Variants in ASAP2 observed in about 807,000 individuals in gnomAD.
The protein encoded by ASAP2 is ArfGAP with SH3 domain, ankyrin repeat and PH domain 2.
A neutral mutation model predicts 131.4 loss-of-function variants in ASAP2; 45 were observed. The observed-to-expected ratio is 0.34, with a 90% CI of 0.27 to 0.44. The LOEUF (loss-of-function observed/expected upper bound fraction) is 0.44. ASAP2 is among the 20% of genes least tolerant of loss of function. The probability of loss-of-function intolerance (pLI) is 1.00; values close to 1 mark genes in which losing one functional copy is unlikely to be tolerated. For synonymous variants in ASAP2, 510 were observed against 503.0 expected, an observed-to-expected ratio of 1.01 and a Z score of -0.19; for missense variants, 1,011 against 1,297.0, an observed-to-expected ratio of 0.78 and a Z score of 3.39.
intron 1 of ASAP2, among the ~76,000 whole-genome samples, chr2:9,228,753 T>C (rs1339894066): frequency 6.6e-6 from 1 of 152,232 alleles, no homozygotes; most frequent in Non-Finnish European, 1.5e-5. Flanking sequence ...ATGCAAATTA[T>C]TTCTGGTGAT....
Position 9,270,774 on chromosome 2 carries a change from C to G in ASAP2, c.127-8543C>G, listed in dbSNP as rs184151382. Among the ~76,000 whole-genome samples, 266 of 119,660 alleles carry G rather than the reference C, an allele frequency of 2.2e-3. 2 individuals are homozygous for G. Among genetic ancestry groups the G allele is most frequent in the African/African-American group, 7.8e-3 (259 of 33,118 alleles). The allele number at this position is 119,660 out of a possible 152,430, so 78.5% of individuals were successfully genotyped here. A position where few individuals can be genotyped will look rare whatever the true frequency, so the allele number is the denominator to read the frequency against. Reference sequence around the variant, plus strand: ...CTTCTACTGTCAGTCTCCATGAGTTCAATTGTTTTCATTTTTTTTTTTTTT... The same window carrying G: ...CTTCTACTGTCAGTCTCCATGAGTTGAATTGTTTTCATTTTTTTTTTTTTT... On this transcript the variant is annotated intron_variant, in intron 1 of 27. Transcript: ENST00000281419.
At position 9,268,531 on chromosome 2, in the gene ASAP2, C is replaced by T. The variant is rs2148241634; in HGVS notation, c.127-10786C>T. 6.6e-6 allele frequency among the ~76,000 whole-genome samples: 1 copy of T among 152,266 alleles called. No homozygotes were observed. The highest frequency in any genetic ancestry group is 3.4e-3 in the Middle Eastern group (1 of 292). On this transcript the variant is annotated intron_variant, in intron 1 of 27. Transcript: ENST00000281419. The surrounding 1 kb of genome is among the most constrained non-coding windows in gnomAD (Gnocchi z 4.1). ...CTGGCTTTAAACGGAGCCCACAGGT[C>T]ACAGTGCAAGTCTACGCTTCCCAAA...
intron 1 of ASAP2, among the ~76,000 whole-genome samples, chr2:9,245,017 G>A (rs1227985222): frequency 6.6e-6 from 1 of 150,802 alleles, no homozygotes; most frequent in African/African-American, 2.5e-5. Flanking sequence ...CATATAAAAG[G>A]TAAAAGTCTG....
At position 9,220,751 on chromosome 2, in the gene ASAP2, C is replaced by G. The variant is rs908982017; in HGVS notation, c.126+13521C>G. Among the ~76,000 whole-genome samples the G allele has an allele frequency of 1.1e-4, 17 of 152,172 alleles. 1 individual carries two copies. The highest frequency in any genetic ancestry group is 3.9e-4 in the African/African-American group (16 of 41,430). ...TTCCTTTGGTTGCATAATACAGTCA[C>G]AAAGATTTACACCTATATTCTGTTT... On this transcript the variant is annotated intron_variant, in intron 1 of 27. Coordinates refer to ENST00000281419, the MANE Select transcript of ASAP2 (RefSeq NM_003887.3).
At chr2:9,208,555 G>C (rs1383717555) in intron 1 of ASAP2, among the ~76,000 whole-genome samples, 7 of 151,914 alleles carry the variant, frequency 4.6e-5, no homozygotes, top group Non-Finnish European at 1.0e-4. Flanking sequence ...GTAACATTCA[G>C]CATTCTGAAT....
chr2:9,209,758 G>A (rs1422542519), intron 1 of ASAP2, among the ~76,000 whole-genome samples: 5 of 152,216 alleles, frequency 3.3e-5, no homozygotes, highest in African/African-American at 9.6e-5. Context: ...TAGTAGAGAT[G>A]GGGTTTCACC....
Position 9,270,785 on chromosome 2 carries a change from A to ATTTTTTT in ASAP2, c.127-8513_127-8507dup, listed in dbSNP as rs35913703. Among the ~76,000 whole-genome samples the ATTTTTTT allele has an allele frequency of 3.4e-4, 18 of 52,922 alleles. 3 individuals carry two copies. Among genetic ancestry groups the ATTTTTTT allele is most frequent in the African/African-American group, 9.3e-4 (13 of 13,980 alleles). The allele number at this position is 52,922 out of a possible 152,430, so 34.7% of individuals were successfully genotyped here. On this transcript the variant is annotated intron_variant, in intron 1 of 27. Coordinates refer to ENST00000281419, the MANE Select transcript of ASAP2 (RefSeq NM_003887.3). ...AGTCTCCATGAGTTCAATTGTTTTCATTTTTTTTTTTTTTTTTTTTTTTTT... is the reference window on the plus strand; with the variant it reads ...AGTCTCCATGAGTTCAATTGTTTTCATTTTTTTTTTTTTTTTTTTTTTTTTTTTTTTT...
intron 1 of ASAP2, among the ~76,000 whole-genome samples, chr2:9,228,648 C>T (rs987511382): frequency 2.0e-5 from 3 of 152,098 alleles, no homozygotes; most frequent in Non-Finnish European, 4.4e-5. Flanking sequence ...TCCATCTGGC[C>T]GTCACAGAGG....
chr2:9,359,017 T>A, intron 15 of ASAP2, 128 bp downstream of exon 15: 1 of 1,150,834 alleles, frequency 8.7e-7, no homozygotes, highest in Non-Finnish European at 1.2e-6. Flanking sequence ...TTTGGATAAT[T>A]AGAAACTCAT....
intron 24 of ASAP2, among the ~76,000 whole-genome samples, chr2:9,397,662 G>C (rs1206002017): frequency 3.4e-5 from 5 of 148,068 alleles, no homozygotes; most frequent in Admixed American, 1.3e-4. Flanking sequence ...GTTTTTTAGG[G>C]CCATGAGCTA....
In ASAP2 at chr2:9,335,626, T is replaced by C. The variant is rs1162410124; in HGVS notation, c.849+447T>C. Among the ~76,000 whole-genome samples, 6 of 152,208 alleles carry C rather than the reference T, an allele frequency of 3.9e-5. No individual in the cohort carries two copies. In the South Asian group the frequency reaches 1.0e-3, roughly 26 times the overall value. On this transcript the variant is annotated intron_variant, in intron 9 of 27. Transcript: ENST00000281419. ...ATTGTGTTCTATAAAATATGAGGCA[T>C]GAGCTTTTCTTACAGCTGCCTCCAT... is the stretch of plus-strand genomic sequence containing the variant.
At position 9,377,324 on chromosome 2, in the gene ASAP2, G is replaced by A. The variant is rs73150925; in HGVS notation, c.1832+331G>A. Among the ~76,000 whole-genome samples, 1,397 of 152,326 alleles carry A rather than the reference G, an allele frequency of 9.2e-3. 21 individuals carry two copies. The highest frequency in any genetic ancestry group is 0.024 in the African/African-American group (999 of 41,574). On this transcript the variant is annotated intron_variant, in intron 18 of 27. Transcript: ENST00000281419. ...CGTCCTCGCCTCATCCTGTGAGCCA[G>A]GTCATCGTACTGCGCAAGCAGTGTC...
chr2:9,349,940 T>A (rs1194520073), intron 11 of ASAP2, among the ~76,000 whole-genome samples: 1 of 152,326 alleles, frequency 6.6e-6, no homozygotes, highest in South Asian at 2.1e-4. Context: ...CCAAGAACGA[T>A]GGAAGTTTAA....
chr2:9,271,037 C>T (rs1666349187), intron 1 of ASAP2, among the ~76,000 whole-genome samples: 1 of 151,880 alleles, frequency 6.6e-6, no homozygotes, highest in Admixed American at 6.6e-5. Context: ...TCGTGATCCA[C>T]CTGCCTCGGC....
chr2:9,253,874 A>G (rs1424741399), intron 1 of ASAP2, among the ~76,000 whole-genome samples: 3 of 152,042 alleles, frequency 2.0e-5, no homozygotes, highest in Non-Finnish European at 4.4e-5. Context: ...ATACAACGAG[A>G]TATTTTGAGA....
chr2:9,226,174 A>G (rs1662752541), intron 1 of ASAP2, among the ~76,000 whole-genome samples: 1 of 152,208 alleles, frequency 6.6e-6, no homozygotes, highest in Admixed American at 6.5e-5. Context: ...CGTAGACGAT[A>G]ATGCTGTACA....
intron 18 of ASAP2, among the ~76,000 whole-genome samples, chr2:9,377,626 C>T (rs1013404394): frequency 2.4e-4 from 36 of 152,188 alleles, no homozygotes; most frequent in Non-Finnish European, 7.3e-5. Context: ...TTTTGACTCC[C>T]TGATCGTGGT....
At chr2:9,390,740 C>G (rs762430706) in intron 22 of ASAP2, among the ~76,000 whole-genome samples, 8 of 152,114 alleles carry the variant, frequency 5.3e-5, no homozygotes, top group Non-Finnish European at 1.0e-4. Flanking sequence ...GTGCAGTGTT[C>G]GCAAGAGAAC....
intron 2 of ASAP2, among the ~76,000 whole-genome samples, chr2:9,286,447 A>AAAATATATATATATATATAT (rs58605449): frequency 6.7e-6 from 1 of 148,418 alleles, no homozygotes; most frequent in African/African-American, 2.5e-5. Flanking sequence ...GAAAAAAAAA[A>AAAATATATATATATATATAT]ATATATATAT....
Sources: allele counts gnomAD v4.1 joint callset (sites outside exome capture counted in the v4.1 genomes callset), GRCh38; gene constraint gnomAD v4.1.1; non-coding constraint Gnocchi (gnomAD v3.1); transcripts MANE v1.5; gene names NCBI Gene and HGNC (gene_info 2026-07-23, HGNC 2026-07-21).